NFATC3: variants seen among roughly 807,000 people sequenced by gnomAD.
NFATC3 encodes the protein nuclear factor of activated T cells 3.
Under a neutral mutation model 98.6 loss-of-function variants are expected in NFATC3, and 46 were observed. That is an observed-to-expected ratio of 0.47 (90% CI 0.37 to 0.60). The LOEUF (loss-of-function observed/expected upper bound fraction) is 0.60, where lower values mean the gene tolerates loss of function less well. NFATC3 is among the 20% of genes least tolerant of loss of function. The pLI is 0.00. For synonymous variants in NFATC3, 512 were observed against 472.2 expected, an observed-to-expected ratio of 1.08 and a Z score of -1.09; for missense variants, 1,256 against 1,295.5, an observed-to-expected ratio of 0.97 and a Z score of 0.47.
chr16:68,141,587 C>T (rs181347198), intron 3 of NFATC3, among the ~76,000 whole-genome samples: 1 of 151,622 alleles, frequency 6.6e-6, no homozygotes, highest in South Asian at 2.1e-4. Context: ...TTTTTTCATA[C>T]GTTTGTGGGC....
chr16:68,085,796 G>A lies in NFATC3; in HGVS notation c.103+12G>A. Reference sequence around the variant, plus strand: ...CTCGCGGCCTGCAGGTGGGTGCCGGGCCAGGCGGGACCGTGGAGCGACCCC... The same window carrying A: ...CTCGCGGCCTGCAGGTGGGTGCCGGACCAGGCGGGACCGTGGAGCGACCCC... On this transcript the variant is annotated intron_variant, in intron 1 of 9. Transcript: ENST00000346183. 1 of 1,452,868 alleles carries A rather than the reference G, an allele frequency of 6.9e-7. No individual in the cohort carries two copies. The allele number at this position is 1,452,868 out of a possible 1,614,324, so 90.0% of individuals were successfully genotyped here.
chr16:68,115,416 T>TTTTTTG (rs1252579090), intron 1 of NFATC3, among the ~76,000 whole-genome samples: 5 of 152,084 alleles, frequency 3.3e-5, no homozygotes, highest in Admixed American at 2.6e-4. Flanking sequence ...ATTTTCTTTG[T>TTTTTTG]TTTTTGTTTT....
chr16:68,100,904 TGGG>T (rs995325257), intron 1 of NFATC3, among the ~76,000 whole-genome samples: 12 of 139,752 alleles, frequency 8.6e-5, no homozygotes, highest in Admixed American at 2.8e-4. Flanking sequence ...TGTGTGTGTG[TGGG>T]GTGTGTGTGT....
chr16:68,168,424 A>G (rs1361851175), intron 5 of NFATC3, among the ~76,000 whole-genome samples: 1 of 151,678 alleles, frequency 6.6e-6, no homozygotes, highest in Non-Finnish European at 1.5e-5. Context: ...CAGCCTCCCA[A>G]AGTGCTGGGA....
intron 1 of NFATC3, among the ~76,000 whole-genome samples, chr16:68,121,063 A>C (rs1445531517): frequency 6.6e-6 from 1 of 151,392 alleles, no homozygotes; most frequent in Non-Finnish European, 1.5e-5. Flanking sequence ...CCATATCAAG[A>C]TATCTCATTG....
chr16:68,194,399 T>G (rs943250731), intron 9 of NFATC3, among the ~76,000 whole-genome samples: 2 of 152,230 alleles, frequency 1.3e-5, no homozygotes, highest in Non-Finnish European at 2.9e-5. Context: ...CTCTGGTATT[T>G]AAGCATTTTG....
chr16:68,112,183 T>C (rs1158393542), intron 1 of NFATC3, among the ~76,000 whole-genome samples: 1 of 152,000 alleles, frequency 6.6e-6, no homozygotes, highest in African/African-American at 2.4e-5. Flanking sequence ...TTGGGGAAGT[T>C]CTCATGGATG....
chr16:68,168,745 A>G (rs2039331198), intron 5 of NFATC3, among the ~76,000 whole-genome samples: 1 of 151,860 alleles, frequency 6.6e-6, no homozygotes, highest in South Asian at 2.1e-4. Flanking sequence ...TGCCCTCCCA[A>G]AGTGCTGAGA....
intron 1 of NFATC3, among the ~76,000 whole-genome samples, chr16:68,108,238 C>T (rs145421161): frequency 0.012 from 1,790 of 152,090 alleles, 37 homozygotes; most frequent in African/African-American, 0.04. Context: ...TAATCCATCT[C>T]GAGTTAATTT....
intron 1 of NFATC3, among the ~76,000 whole-genome samples, chr16:68,087,609 T>C (rs1349105391): frequency 6.6e-6 from 1 of 152,096 alleles, no homozygotes; most frequent in African/African-American, 2.4e-5. Context: ...AACAATTGAG[T>C]GCATTCAGTG....
intron 3 of NFATC3, among the ~76,000 whole-genome samples, chr16:68,152,209 CAAAA>C (rs769742861): frequency 3.9e-5 from 4 of 103,478 alleles, no homozygotes; most frequent in African/African-American, 1.1e-4. Flanking sequence ...CTAAAGATAC[CAAAA>C]AAAAAAAAAA....
At chr16:68,202,591 C>A (rs537514875) in intron 9 of NFATC3, among the ~76,000 whole-genome samples, 1 of 152,124 alleles carries the variant, frequency 6.6e-6, no homozygotes, top group African/African-American at 2.4e-5. Context: ...GCAGGTAGAT[C>A]GCCTGAGGTC....
chr16:68,222,167 G>A (rs1370956599), intron 9 of NFATC3, among the ~76,000 whole-genome samples: 4 of 150,982 alleles, frequency 2.6e-5, no homozygotes, highest in African/African-American at 7.3e-5. Context: ...AGGCATAGGC[G>A]TAGTAGCACA....
At chr16:68,155,767 C>T (rs1391919521) in intron 3 of NFATC3, among the ~76,000 whole-genome samples, 1 of 152,100 alleles carries the variant, frequency 6.6e-6, no homozygotes, top group Non-Finnish European at 1.5e-5. Context: ...CTGCTTGAGT[C>T]TCTAGACTTT....
intron 1 of NFATC3, among the ~76,000 whole-genome samples, chr16:68,101,856 G>A (rs1456605917): frequency 6.6e-6 from 1 of 152,028 alleles, no homozygotes; most frequent in Non-Finnish European, 1.5e-5. Flanking sequence ...TATTTTCTTG[G>A]AGACTTTCCT....
At chr16:68,101,466 T>G (rs2151462472) in intron 1 of NFATC3, among the ~76,000 whole-genome samples, 1 of 151,692 alleles carries the variant, frequency 6.6e-6, no homozygotes, top group Non-Finnish European at 1.5e-5. Context: ...TTTGGAAGTT[T>G]TATAGTTTTA....
chr16:68,151,260 T>G (rs980862846), intron 3 of NFATC3, among the ~76,000 whole-genome samples: 1 of 152,086 alleles, frequency 6.6e-6, no homozygotes, highest in African/African-American at 2.4e-5. Flanking sequence ...GTTGGACGCT[T>G]ACACATGCTT....
At chr16:68,166,005 A>G (rs766853594) in intron 4 of NFATC3, among the ~76,000 whole-genome samples, 5 of 152,262 alleles carry the variant, frequency 3.3e-5, no homozygotes, top group Non-Finnish European at 7.3e-5. Flanking sequence ...CCTTAAATGC[A>G]GAACCTTCAT....
chr16:68,107,074 A>G (rs1345618924), intron 1 of NFATC3, among the ~76,000 whole-genome samples: 1 of 151,936 alleles, frequency 6.6e-6, no homozygotes, highest in African/African-American at 2.4e-5. Flanking sequence ...TCCATCCATG[A>G]TCTCATTCTT....
Sources: gnomAD v4.1 joint callset for allele counts (sites outside exome capture counted in the v4.1 genomes callset) on GRCh38, gnomAD v4.1.1 for gene constraint, MANE v1.5 for transcripts, NCBI Gene and HGNC (gene_info 2026-07-23, HGNC 2026-07-21) for gene names.